ARID5B: variants seen among roughly 807,000 people sequenced by gnomAD.
The protein encoded by ARID5B is AT-rich interaction domain 5B.
ARID5B carries 13 observed loss-of-function variants against 97.2 expected under a neutral mutation model. The observed-to-expected ratio is 0.13, with a 90% CI of 0.09 to 0.21. The LOEUF (loss-of-function observed/expected upper bound fraction) is 0.21. Ranked by LOEUF, ARID5B falls within the 10% of genes least tolerant of loss-of-function variation. The pLI, the probability that ARID5B is intolerant of heterozygous loss-of-function variation, is 1.00. For missense variants in ARID5B, 1,210 were observed against 1,465.3 expected (o/e 0.83, Z 2.84); for synonymous variants, 556 against 570.3 (o/e 0.97, Z 0.36).
At chr10:62,020,778 G>A (rs1000272080) in intron 4 of ARID5B, among the ~76,000 whole-genome samples, 13 of 151,862 alleles carry the variant, frequency 8.6e-5, no homozygotes, top group Non-Finnish European at 8.8e-5. Context: ...TAAGAACATA[G>A]CAAAGTTTGA....
intron 4 of ARID5B, among the ~76,000 whole-genome samples, chr10:62,048,148 C>T (rs565637366): frequency 5.9e-5 from 9 of 152,308 alleles, no homozygotes; most frequent in East Asian, 1.9e-4. Context: ...AAGTATACCA[C>T]GTGTGAGGTT....
intron 3 of ARID5B, among the ~76,000 whole-genome samples, chr10:61,961,575 C>T (rs1564613957): frequency 1.3e-5 from 2 of 152,152 alleles, no homozygotes; most frequent in African/African-American, 4.8e-5. Flanking sequence ...CTGCCCTTTT[C>T]GCGTGTCAGT....
At chr10:61,930,128 GA>G (rs1236385568) in intron 2 of ARID5B, among the ~76,000 whole-genome samples, 5 of 152,348 alleles carry the variant, frequency 3.3e-5, no homozygotes, top group Non-Finnish European at 5.9e-5. Context: ...GATATGCAGA[GA>G]AAGAAGACCA....
chr10:61,982,386 A>T (rs1046650846), intron 3 of ARID5B, among the ~76,000 whole-genome samples: 1 of 152,202 alleles, frequency 6.6e-6, no homozygotes, highest in Non-Finnish European at 1.5e-5. Flanking sequence ...GTTTTCAAGA[A>T]GGCTCTGTTG....
chr10:61,936,748 T>G (rs1240640406), intron 2 of ARID5B, among the ~76,000 whole-genome samples: 1 of 151,792 alleles, frequency 6.6e-6, no homozygotes, highest in East Asian at 1.9e-4. Flanking sequence ...AATTCTGACA[T>G]GCTACTTCAT....
intron 2 of ARID5B, among the ~76,000 whole-genome samples, chr10:61,926,394 G>C (rs1183144744): frequency 6.6e-6 from 1 of 151,934 alleles, no homozygotes; most frequent in Non-Finnish European, 1.5e-5. Context: ...GCTGGTTTCT[G>C]GTTCCACTTC....
intron 3 of ARID5B, among the ~76,000 whole-genome samples, chr10:61,958,610 T>C (rs1456468712): frequency 2.0e-5 from 3 of 152,218 alleles, no homozygotes; most frequent in Admixed American, 6.5e-5. Flanking sequence ...CTACTCTTCC[T>C]ATTCTACCAG....
At chr10:61,967,219 A>G (rs1288716501) in intron 3 of ARID5B, among the ~76,000 whole-genome samples, 2 of 152,202 alleles carry the variant, frequency 1.3e-5, no homozygotes, top group African/African-American at 4.8e-5. Context: ...GCTGATTAAA[A>G]CAAGCAAACA....
intron 2 of ARID5B, among the ~76,000 whole-genome samples, chr10:61,906,712 A>AT (rs761391757): frequency 1.6e-4 from 24 of 152,118 alleles, no homozygotes; most frequent in Non-Finnish European, 3.4e-4. Flanking sequence ...AATGCTAAAA[A>AT]TCCATGTTCT....
intron 4 of ARID5B, among the ~76,000 whole-genome samples, chr10:62,020,851 T>C (rs1839346231): frequency 6.6e-6 from 1 of 151,794 alleles, no homozygotes; most frequent in Non-Finnish European, 1.5e-5. Flanking sequence ...GAGCGGTTAT[T>C]GGGAGTTTTC....
At chr10:61,978,233 A>T (rs1017329748) in intron 3 of ARID5B, among the ~76,000 whole-genome samples, 1 of 152,174 alleles carries the variant, frequency 6.6e-6, no homozygotes, top group African/African-American at 2.4e-5. Context: ...CTGTTTTGGT[A>T]CCAGTACCAT....
intron 3 of ARID5B, among the ~76,000 whole-genome samples, chr10:61,948,717 T>G (rs1230393552): frequency 6.6e-6 from 1 of 152,156 alleles, no homozygotes; most frequent in Non-Finnish European, 1.5e-5. Context: ...GAGCTCATTT[T>G]TACTAAGAAT....
chr10:61,999,356 G>C (rs1839044828), intron 3 of ARID5B, among the ~76,000 whole-genome samples: 1 of 152,206 alleles, frequency 6.6e-6, no homozygotes, highest in South Asian at 2.1e-4. Flanking sequence ...AAGTCGAAAA[G>C]GCATTGAATA....
chr10:62,000,134 C>A lies in ARID5B; in HGVS notation c.546C>A (p.Pro182=). 1.2e-6 allele frequency: 2 copies of A among 1,613,966 alleles called. No homozygotes were observed. Among genetic ancestry groups the A allele is most frequent in the East Asian group, 2.2e-5 (1 of 44,856 alleles). Residue 182 remains proline, a synonymous_variant, in exon 4 of 10, where the codon CCC becomes CCA. Coordinates refer to ENST00000279873, the MANE Select transcript of ARID5B (RefSeq NM_032199.3). This position sits in a 1 kb window ranked among gnomAD's most constrained non-coding sequence, Gnocchi z 4.4. ...EETNVIVLSY[P]QYCRYRSMLK... is the part of the protein sequence containing the mutation. ...CGAACGTGATAGTTCTCAGCTACCC[C>A]CAGTACTGCCGGTACCGCTCGATGC... is the stretch of plus-strand genomic sequence containing the variant.
chr10:62,042,051 G>T (rs1839645026), intron 4 of ARID5B, among the ~76,000 whole-genome samples: 2 of 152,170 alleles, frequency 1.3e-5, no homozygotes, highest in South Asian at 4.1e-4. Flanking sequence ...TTCAGAAATT[G>T]TGGAAATCAA....
chr10:61,917,774 C>T (rs555050482), intron 2 of ARID5B, among the ~76,000 whole-genome samples: 196 of 152,178 alleles, frequency 1.3e-3, no homozygotes, highest in Non-Finnish European at 2.2e-3. Flanking sequence ...GGGAGAGCCA[C>T]GTGGATAAAG....
intron 2 of ARID5B, among the ~76,000 whole-genome samples, chr10:61,928,590 C>A (rs1286510041): frequency 6.6e-6 from 1 of 152,072 alleles, no homozygotes; most frequent in East Asian, 1.9e-4. Context: ...ACCGTACCTG[C>A]CCCCCAACTT....
At chr10:61,977,155 A>C (rs1838711769) in intron 3 of ARID5B, among the ~76,000 whole-genome samples, 1 of 152,184 alleles carries the variant, frequency 6.6e-6, no homozygotes, top group Non-Finnish European at 1.5e-5. Flanking sequence ...GGTGGTTTCC[A>C]ACTTCATCTA....
chr10:62,019,965 C>A lies in ARID5B; in HGVS notation c.733+19644C>A, dbSNP rs138763424. Among the ~76,000 whole-genome samples, 6 of 152,270 alleles carry A rather than the reference C, an allele frequency of 3.9e-5. No individual in the cohort carries two copies. The East Asian group carries it at 1.2e-3, about 29-fold the overall frequency. On this transcript the variant is annotated intron_variant, in intron 4 of 9. Transcript: ENST00000279873. ...ACAGATTTCCTAGGCAGTGAGTCTT[C>A]TAATTGTGACCCTCCTAACTGTGAC...
Sources: allele counts gnomAD v4.1 joint callset (sites outside exome capture counted in the v4.1 genomes callset), GRCh38; gene constraint gnomAD v4.1.1; non-coding constraint Gnocchi (gnomAD v3.1); transcripts MANE v1.5; gene names NCBI Gene and HGNC (gene_info 2026-07-23, HGNC 2026-07-21).